RREB1: variants seen among roughly 807,000 people sequenced by gnomAD.
The protein encoded by RREB1 is ras-responsive element-binding protein 1.
In RREB1, 27 loss-of-function variants were observed where a neutral mutation model predicts 117.8. The ratio of observed to expected loss-of-function variants is 0.23; its 90% CI spans 0.17 to 0.32. The LOEUF (loss-of-function observed/expected upper bound fraction) is 0.32. RREB1 is among the 10% of genes least tolerant of loss of function. The probability of loss-of-function intolerance (pLI) is 1.00; values close to 1 mark genes in which losing one functional copy is unlikely to be tolerated. For synonymous variants in RREB1, 1,298 were observed against 1,026.7 expected, an observed-to-expected ratio of 1.26 and a Z score of -5.05; for missense variants, 2,577 against 2,378.2, an observed-to-expected ratio of 1.08 and a Z score of -1.74.
At chr6:7,233,926 G>A (rs540109758) in intron 10 of RREB1, among the ~76,000 whole-genome samples, 5 of 152,276 alleles carry the variant, frequency 3.3e-5, no homozygotes, top group East Asian at 3.9e-4. Flanking sequence ...GGCTGGGAGC[G>A]ATAGGACTCT....
At chr6:7,156,845 A>T (rs1379484659) in intron 1 of RREB1, among the ~76,000 whole-genome samples, 1 of 152,200 alleles carries the variant, frequency 6.6e-6, no homozygotes, top group East Asian at 1.9e-4. Context: ...TACCCTGAGT[A>T]GGAGGAGAGG....
intron 1 of RREB1, among the ~76,000 whole-genome samples, chr6:7,134,925 C>CA (rs1420616448): frequency 1.3e-5 from 2 of 152,196 alleles, no homozygotes; most frequent in Admixed American, 6.5e-5. Context: ...ATACACTGAA[C>CA]GGTTTCCAGA....
intron 1 of RREB1, among the ~76,000 whole-genome samples, chr6:7,114,371 C>T (rs559213188): frequency 3.3e-5 from 5 of 151,698 alleles, no homozygotes; most frequent in Admixed American, 2.6e-4. Context: ...TGATGACAAG[C>T]TTGGGGCTTA....
chr6:7,150,183 T>G (rs989638487), intron 1 of RREB1, among the ~76,000 whole-genome samples: 1 of 152,194 alleles, frequency 6.6e-6, no homozygotes, highest in African/African-American at 2.4e-5. Context: ...GAGTTGCTAA[T>G]ACCTGCTACT....
chr6:7,230,214 C>T lies in RREB1; in HGVS notation c.2115C>T (p.His705=), dbSNP rs755410352. ...GGCCCTACATTTGCAAGATCTGCCA[C>T]TACCCCTTCACTGTCAAAGCCAACT... is the stretch of plus-strand genomic sequence containing the variant. ...GERPYICKIC[H]YPFTVKANCE... Residue 705 remains histidine (H), a synonymous_variant, in exon 10 of 13, where the codon CAC becomes CAT. Transcript: ENST00000379938. 6.2e-7 allele frequency: 1 copy of T among 1,605,264 alleles called. No individual in the cohort carries two copies. The highest frequency in any genetic ancestry group is 2.2e-5 in the East Asian group (1 of 44,856).
At position 7,195,405 on chromosome 6, in the gene RREB1, A is replaced by C. The variant is rs1765617889; in HGVS notation, c.425+6083A>C. Among the ~76,000 whole-genome samples, 3 of 152,178 alleles carry C rather than the reference A, an allele frequency of 2.0e-5. No individual in the cohort carries two copies. The South Asian group carries it at 6.2e-4, about 32-fold the overall frequency. On this transcript the variant is annotated intron_variant, in intron 6 of 12. Coordinates refer to ENST00000379938, the MANE Select transcript of RREB1 (RefSeq NM_001003699.4). ...TACAAAAATGTGCCAGAGAGAATGG[A>C]GTTAGATTTATTTGCCCCGGTGGAT...
chr6:7,201,428 G>T (rs1219834977), intron 6 of RREB1, among the ~76,000 whole-genome samples: 1 of 152,000 alleles, frequency 6.6e-6, no homozygotes, highest in Non-Finnish European at 1.5e-5. Context: ...AGCAAACACT[G>T]AAGCGTGCCC....
At chr6:7,188,282 G>C (rs999422886) in intron 5 of RREB1, among the ~76,000 whole-genome samples, 1 of 150,450 alleles carries the variant, frequency 6.6e-6, no homozygotes, top group Non-Finnish European at 1.5e-5. Context: ...ACGGAGTCTC[G>C]TTCTGTCGCC....
At chr6:7,220,213 G>A (rs1767163962) in intron 8 of RREB1, among the ~76,000 whole-genome samples, 1 of 152,178 alleles carries the variant, frequency 6.6e-6, no homozygotes, top group Non-Finnish European at 1.5e-5. Context: ...AGAAACACTG[G>A]CCAACGTGTG....
intron 5 of RREB1, 96 bp from the exon 6 acceptor site, chr6:7,189,063 T>C (rs1460633909): frequency 1.7e-6 from 2 of 1,208,898 alleles, no homozygotes; most frequent in East Asian, 2.7e-5. Flanking sequence ...AGAAAGTTGA[T>C]TGGTTTTTTT....
chr6:7,120,976 A>C (rs912099716), intron 1 of RREB1, among the ~76,000 whole-genome samples: 5 of 151,774 alleles, frequency 3.3e-5, no homozygotes, highest in African/African-American at 4.8e-5. Flanking sequence ...GGTGCCTGCC[A>C]CTACGCCTGG....
chr6:7,223,756 A>G (rs989711466), intron 8 of RREB1, among the ~76,000 whole-genome samples: 8 of 152,050 alleles, frequency 5.3e-5, no homozygotes, highest in African/African-American at 1.7e-4. Context: ...AACAACAAAC[A>G]CATGTGGAGC....
At chr6:7,244,708 G>A (rs1012100589) in intron 11 of RREB1, among the ~76,000 whole-genome samples, 1 of 152,194 alleles carries the variant, frequency 6.6e-6, no homozygotes, top group Non-Finnish European at 1.5e-5. Context: ...AAAAAGTGCA[G>A]TCAGTGTAAA....
chr6:7,208,556 C>G (rs1766401687), intron 6 of RREB1, among the ~76,000 whole-genome samples: 1 of 152,218 alleles, frequency 6.6e-6, no homozygotes, highest in Non-Finnish European at 1.5e-5. Flanking sequence ...GCTTTTGCAC[C>G]TGGGGCTCCG....
At position 7,182,085 on chromosome 6, in the gene RREB1, A is replaced by G. The variant is rs763783156; in HGVS notation, c.171+3A>G. 1.2e-6 allele frequency: 2 copies of G among 1,613,820 alleles called. No individual in the cohort carries two copies. The highest frequency in any genetic ancestry group is 1.7e-6 in the Non-Finnish European group (2 of 1,179,750). On this transcript the variant is annotated splice_donor_region_variant and intron_variant, in intron 4 of 12. Coordinates refer to ENST00000379938, the MANE Select transcript of RREB1 (RefSeq NM_001003699.4). ...ATCGGATTGGCAGAAGGAACCAGGT[A>G]AGTGTTCACACCTAGTGGTGACCTC...
chr6:7,143,121 A>G (rs1285615727), intron 1 of RREB1, among the ~76,000 whole-genome samples: 1 of 152,236 alleles, frequency 6.6e-6, no homozygotes, highest in African/African-American at 2.4e-5. Flanking sequence ...GAAATGATAC[A>G]TAAGGAAATT....
intron 1 of RREB1, among the ~76,000 whole-genome samples, chr6:7,113,506 G>C (rs184542438): frequency 1.3e-5 from 2 of 152,212 alleles, no homozygotes; most frequent in Non-Finnish European, 2.9e-5. Flanking sequence ...AAGATTCCAC[G>C]TTCATGCTGA....
chr6:7,157,637 T>C lies in RREB1; in HGVS notation c.-284-19018T>C, dbSNP rs139203727. ...AAAAAATAAAGTTAGCATGGTGTGGTGGTGCGCACCTGTGGTCCCAGCATT... is the reference window on the plus strand; with the variant it reads ...AAAAAATAAAGTTAGCATGGTGTGGCGGTGCGCACCTGTGGTCCCAGCATT... On this transcript the variant is annotated intron_variant, in intron 1 of 12. Coordinates refer to ENST00000379938, the MANE Select transcript of RREB1 (RefSeq NM_001003699.4). Among the ~76,000 whole-genome samples, 478 of 151,934 alleles carry C rather than the reference T, an allele frequency of 3.1e-3. 2 individuals are homozygous for C. Among genetic ancestry groups the C allele is most frequent in the African/African-American group, 0.011 (445 of 41,440 alleles).
At chr6:7,146,212 G>A (rs1181455902) in intron 1 of RREB1, among the ~76,000 whole-genome samples, 2 of 152,288 alleles carry the variant, frequency 1.3e-5, no homozygotes, top group East Asian at 3.9e-4. Context: ...AGCAGGCAGC[G>A]GCTGTGGGCC....
Sources: gnomAD v4.1 joint callset for allele counts (sites outside exome capture counted in the v4.1 genomes callset) on GRCh38, gnomAD v4.1.1 for gene constraint, MANE v1.5 for transcripts, NCBI Gene and HGNC (gene_info 2026-07-23, HGNC 2026-07-21) for gene names.